Variants in GFPT1 observed in about 807,000 individuals in gnomAD.
GFPT1 encodes glutamine--fructose-6-phosphate aminotransferase [isomerizing] 1.
In GFPT1, 40 loss-of-function variants were observed where a neutral mutation model predicts 92.0. That is an observed-to-expected ratio of 0.43 (90% confidence interval 0.34 to 0.57). The LOEUF is 0.57. Ranked by LOEUF, GFPT1 falls within the 20% of genes least tolerant of loss-of-function variation. The pLI, the probability that GFPT1 is intolerant of heterozygous loss-of-function variation, is 0.02. For synonymous variants in GFPT1, 269 were observed against 280.6 expected (o/e 0.96, Z 0.41); for missense variants, 448 against 869.1 (o/e 0.52, Z 6.09).
At chr2:69,330,869 A>G (rs1670643800) in intron 15 of GFPT1, among the ~76,000 whole-genome samples, 1 of 152,162 alleles carries the variant, frequency 6.6e-6, no homozygotes, top group Non-Finnish European at 1.5e-5. Flanking sequence ...TTTAGGCCTC[A>G]GATACCCCAT....
rs1040061214 is a variant in GFPT1 at position 69,387,100 on chromosome 2, G to A, written c.-29C>T. On this transcript the variant is annotated 5_prime_UTR_variant, in exon 1 of 20. Coordinates refer to ENST00000357308, the MANE Select transcript of GFPT1 (RefSeq NM_001244710.2). ...GCCGGAGACACGGCCCGCGAGGCCA[G>A]GGGCGAGTGGCTGGCGGGATCGGGG... 2.0e-5 allele frequency: 30 copies of A among 1,531,888 alleles called. No individual in the cohort carries two copies. The highest frequency in any genetic ancestry group is 2.8e-5 in the African/African-American group (2 of 71,060). 94.9% of individuals were successfully genotyped at this position (1,531,888 alleles called of 1,614,324 possible). A position where few individuals can be genotyped will look rare whatever the true frequency, so the allele number is the denominator to read the frequency against.
chr2:69,368,372 A>G (rs1304115908), intron 3 of GFPT1, among the ~76,000 whole-genome samples: 1 of 152,270 alleles, frequency 6.6e-6, no homozygotes, highest in East Asian at 1.9e-4. Flanking sequence ...ACAGACCAAG[A>G]GTCCATCTTA....
chr2:69,327,386 GA>G (rs1258033079), intron 18 of GFPT1, among the ~76,000 whole-genome samples: 2 of 151,992 alleles, frequency 1.3e-5, no homozygotes, highest in Non-Finnish European at 2.9e-5. Flanking sequence ...ATATCTTTTG[GA>G]ATTTATATAT....
intron 1 of GFPT1, among the ~76,000 whole-genome samples, chr2:69,377,401 G>A (rs956856808): frequency 1.2e-4 from 18 of 150,628 alleles, no homozygotes; most frequent in South Asian, 4.2e-4. Context: ...CTGTAATCCC[G>A]ACACTTTGGG....
At chr2:69,372,973 C>A (rs966164483) in intron 2 of GFPT1, among the ~76,000 whole-genome samples, 15 of 152,180 alleles carry the variant, frequency 9.9e-5, no homozygotes, top group African/African-American at 3.4e-4. Flanking sequence ...GTGGTTTATG[C>A]TGAACATCTG....
At chr2:69,375,231 A>G (rs1252229720) in intron 1 of GFPT1, among the ~76,000 whole-genome samples, 1 of 147,788 alleles carries the variant, frequency 6.8e-6, no homozygotes, top group African/African-American at 2.5e-5. Flanking sequence ...ATACAAAAAT[A>G]CAAGTTCAAG....
chr2:69,352,275 A>C (rs1378648177), intron 9 of GFPT1, among the ~76,000 whole-genome samples: 1 of 152,018 alleles, frequency 6.6e-6, no homozygotes, highest in Non-Finnish European at 1.5e-5. Context: ...AAACAAAACA[A>C]AAAAGTGAAT....
intron 4 of GFPT1, among the ~76,000 whole-genome samples, chr2:69,361,838 G>T (rs1445873263): frequency 6.6e-6 from 1 of 152,052 alleles, no homozygotes; most frequent in Admixed American, 6.6e-5. Context: ...AAATTAGCTG[G>T]GTGTGGTGGT....
intron 7 of GFPT1, among the ~76,000 whole-genome samples, chr2:69,355,979 CTTT>C (rs1304707579): frequency 8.1e-6 from 1 of 123,418 alleles, no homozygotes; most frequent in Non-Finnish European, 1.7e-5. Flanking sequence ...AATATATTTG[CTTT>C]CTTTTTTTTT....
chr2:69,348,578 T>G (rs563672096), intron 10 of GFPT1, among the ~76,000 whole-genome samples: 1 of 152,314 alleles, frequency 6.6e-6, no homozygotes, highest in African/African-American at 2.4e-5. Context: ...TCAGAAAGCA[T>G]GGTTGTTTCC....
chr2:69,352,612 C>CAAAAAAAAAAAAAAAAAAAAAAAAAAA (rs748958210), intron 9 of GFPT1, among the ~76,000 whole-genome samples: 2 of 47,376 alleles, frequency 4.2e-5, no homozygotes, highest in Non-Finnish European at 7.5e-5. Flanking sequence ...GACTTCGTCT[C>CAAAAAAAAAAAAAAAAAAAAAAAAAAA]AAAAAAAAAA....
chr2:69,336,339 C>CA (rs61141681), intron 15 of GFPT1, among the ~76,000 whole-genome samples: 61,248 of 97,844 alleles, frequency 0.63, 18,199 homozygotes, highest in African/African-American at 0.73. Flanking sequence ...AGTCTGTCTC[C>CA]AAAAAAAAAA....
At chr2:69,327,643 T>C (rs1371905419) in intron 18 of GFPT1, among the ~76,000 whole-genome samples, 3 of 152,084 alleles carry the variant, frequency 2.0e-5, no homozygotes, top group African/African-American at 4.8e-5. Context: ...AGCTGAAATA[T>C]ATATTTAAAA....
chr2:69,339,567 T>C (rs1670884997), intron 13 of GFPT1, among the ~76,000 whole-genome samples: 1 of 152,232 alleles, frequency 6.6e-6, no homozygotes, highest in African/African-American at 2.4e-5. Context: ...ACATTTAGTG[T>C]TGCTTTAATT....
chr2:69,328,702 T>C (rs1335959390), intron 17 of GFPT1, among the ~76,000 whole-genome samples: 1 of 29,818 alleles, frequency 3.4e-5, no homozygotes, highest in East Asian at 4.0e-4. Flanking sequence ...TGGTTAACCC[T>C]TTTTTTTTTT....
intron 1 of GFPT1, among the ~76,000 whole-genome samples, chr2:69,383,743 G>A (rs1416904030): frequency 6.6e-6 from 1 of 151,882 alleles, no homozygotes. Context: ...CTCCTGCCTC[G>A]GGCTTCCGAG....
At position 69,356,481 on chromosome 2, in the gene GFPT1, T is replaced by G. The variant is rs753322710; in HGVS notation, c.605+15A>C. ...TATGTTGAAATACATTAGTCATTGT[T>G]AGAGTTATATGTACCTTGTGCCAAC... is the stretch of plus-strand genomic sequence containing the variant. On this transcript the variant is annotated intron_variant, in intron 7 of 19. Transcript: ENST00000357308. 6.4e-7 allele frequency: 1 copy of G among 1,574,478 alleles called. No individual in the cohort carries two copies. Among genetic ancestry groups the G allele is most frequent in the Non-Finnish European group, 8.7e-7 (1 of 1,143,822 alleles).
chr2:69,351,882 G>T (rs1435627928), intron 9 of GFPT1, among the ~76,000 whole-genome samples: 2 of 152,186 alleles, frequency 1.3e-5, no homozygotes, highest in Non-Finnish European at 2.9e-5. Flanking sequence ...AAATTGTTCT[G>T]TATCTTGATT....
At chr2:69,334,290 T>C (rs1156620986) in intron 15 of GFPT1, among the ~76,000 whole-genome samples, 1 of 152,114 alleles carries the variant, frequency 6.6e-6, no homozygotes, top group Non-Finnish European at 1.5e-5. Flanking sequence ...GCCCAAAATG[T>C]CTAAGACATT....
Sources: allele counts gnomAD v4.1 joint callset (sites outside exome capture counted in the v4.1 genomes callset), GRCh38; gene constraint gnomAD v4.1.1; transcripts MANE v1.5; gene names NCBI Gene and HGNC (gene_info 2026-07-23, HGNC 2026-07-21).